Variants in PDE10A observed in about 807,000 individuals in gnomAD.
PDE10A encodes phosphodiesterase 10A.
In PDE10A, 39 loss-of-function variants were observed where a neutral mutation model predicts 97.7. The ratio of observed to expected loss-of-function variants is 0.40; its 90% CI spans 0.31 to 0.52. The LOEUF (loss-of-function observed/expected upper bound fraction) is 0.52, where lower values mean the gene tolerates loss of function less well. Among genes scored for constraint, PDE10A ranks in the 20% least tolerant of loss-of-function variants. The pLI is 0.56. For synonymous variants in PDE10A, 371 were observed against 376.8 expected (o/e 0.98, Z 0.18); for missense variants, 731 against 1,047.8 (o/e 0.70, Z 4.17).
At chr6:165,802,591 C>T (rs907763873) in intron 1 of PDE10A, among the ~76,000 whole-genome samples, 3 of 152,174 alleles carry the variant, frequency 2.0e-5, no homozygotes, top group African/African-American at 7.2e-5. Flanking sequence ...ACCACGGGGG[C>T]CCTCCTGAAG....
At position 165,413,645 on chromosome 6, in the gene PDE10A, C is replaced by T. The variant is rs753597775; in HGVS notation, c.1932G>A (p.Leu644=). The T allele has an allele frequency of 6.8e-6, 11 of 1,614,046 alleles. No individual in the cohort carries two copies. The highest frequency in any genetic ancestry group is 2.2e-5 in the South Asian group (2 of 91,080). ...LYTGYTTRNI[L]CMPIVSRGSV... The stretch of plus-strand genomic sequence containing the variant: ...TGCCTCGGCTGACGATGGGCATGCA[C>T]AGGATGTTCCGCGTGGTGTAGCCTG... The change falls in exon 13 of 22, where the codon CTG becomes CTA. Residue 644 remains leucine, a synonymous_variant. Coordinates refer to ENST00000539869, the MANE Select transcript of PDE10A (RefSeq NM_001385079.1).
At chr6:165,595,955 G>A (rs868821397) in intron 1 of PDE10A, among the ~76,000 whole-genome samples, 3 of 152,246 alleles carry the variant, frequency 2.0e-5, no homozygotes, top group South Asian at 4.2e-4. Context: ...GGCTGGGGAG[G>A]ACAAATATTC....
chr6:165,541,112 T>C (rs1783411290), intron 2 of PDE10A, among the ~76,000 whole-genome samples: 1 of 152,182 alleles, frequency 6.6e-6, no homozygotes, highest in African/African-American at 2.4e-5. Flanking sequence ...GAAGGGGGTC[T>C]TACTAGGCTG....
At chr6:165,429,675 T>C (rs1237680902) in intron 9 of PDE10A, among the ~76,000 whole-genome samples, 1 of 152,080 alleles carries the variant, frequency 6.6e-6, no homozygotes, top group Non-Finnish European at 1.5e-5. Flanking sequence ...GCGCATATTT[T>C]AGATTTCAGT....
intron 18 of PDE10A, among the ~76,000 whole-genome samples, chr6:165,372,504 AG>A (rs1185739225): frequency 7.7e-6 from 1 of 130,522 alleles, no homozygotes; most frequent in Non-Finnish European, 1.6e-5. Flanking sequence ...TAAAATACCT[AG>A]GAATCCAACT....
chr6:165,830,879 A>C (rs935650974), intron 1 of PDE10A, among the ~76,000 whole-genome samples: 2 of 152,168 alleles, frequency 1.3e-5, no homozygotes, highest in Non-Finnish European at 2.9e-5. Context: ...AAGGTGCTGG[A>C]GCTTTAACAT....
intron 1 of PDE10A, among the ~76,000 whole-genome samples, chr6:165,913,636 C>T (rs1460281441): frequency 6.6e-6 from 1 of 152,188 alleles, no homozygotes; most frequent in Admixed American, 6.5e-5. Context: ...TTCGCACACA[C>T]ATCTATGTAT....
intron 1 of PDE10A, among the ~76,000 whole-genome samples, chr6:165,930,855 T>C (rs1257001964): frequency 1.3e-5 from 2 of 152,236 alleles, no homozygotes; most frequent in Non-Finnish European, 2.9e-5. Context: ...AGCTTCACCG[T>C]GGCTCTTCGC....
Position 165,758,486 on chromosome 6 carries a change from GAGAAAGA to G in PDE10A, c.-614-214925_-614-214919del, listed in dbSNP as rs201748235. Among the ~76,000 whole-genome samples, 942 of 138,414 alleles carry G rather than the reference GAGAAAGA, an allele frequency of 6.8e-3. 12 individuals are homozygous for G. Among genetic ancestry groups the G allele is most frequent in the East Asian group, 0.022 (97 of 4,474 alleles). The allele number at this position is 138,414 out of a possible 152,430, so 90.8% of individuals were successfully genotyped here. A position where few individuals can be genotyped will look rare whatever the true frequency, so the allele number is the denominator to read the frequency against. On this transcript the variant is annotated intron_variant, in intron 1 of 19. Transcript: ENST00000366882. ...GAAAAAAGAAGAAGAAAGAAGAAAG[GAGAAAGA>G]AGAAAGAAGAAAGAAGAAAGAAGAA... is the stretch of plus-strand genomic sequence containing the variant.
intron 1 of PDE10A, among the ~76,000 whole-genome samples, chr6:165,720,501 TA>T (rs1200231016): frequency 6.6e-6 from 1 of 152,134 alleles, no homozygotes; most frequent in East Asian, 1.9e-4. Flanking sequence ...CTCCCAAACC[TA>T]AAGAATAAAA....
In PDE10A at chr6:165,942,036, C is replaced by T. The variant is rs148626232; in HGVS notation, c.-615+45493G>A. On this transcript the variant is annotated intron_variant, in intron 1 of 19. Transcript: ENST00000366882. ...ATAGCCATCCTCTCATGATGCCATC[C>T]GGACAGTGATTCCTGGATGTGACTC... Among the ~76,000 whole-genome samples the T allele has an allele frequency of 2.0e-3, 301 of 152,266 alleles. 2 individuals are homozygous for T. Among genetic ancestry groups the T allele is most frequent in the African/African-American group, 6.7e-3 (278 of 41,540 alleles).
intron 1 of PDE10A, among the ~76,000 whole-genome samples, chr6:165,811,686 G>T (rs1779286800): frequency 6.6e-6 from 1 of 152,188 alleles, no homozygotes; most frequent in Admixed American, 6.5e-5. Context: ...CTTAGCTCCT[G>T]CTCCTGAGGC....
chr6:165,615,686 T>A (rs141600259), intron 1 of PDE10A, among the ~76,000 whole-genome samples: 1 of 152,350 alleles, frequency 6.6e-6, no homozygotes, highest in Non-Finnish European at 1.5e-5. Context: ...AGTTATTTGG[T>A]CAGTTTAGAT....
intron 1 of PDE10A, among the ~76,000 whole-genome samples, chr6:165,675,490 C>T (rs1790768520): frequency 6.6e-6 from 1 of 152,026 alleles, no homozygotes; most frequent in South Asian, 2.1e-4. Flanking sequence ...TCATAGAAGA[C>T]TTGTGTTCTA....
intron 3 of PDE10A, among the ~76,000 whole-genome samples, chr6:165,457,087 A>G (rs1002642110): frequency 6.6e-6 from 1 of 152,208 alleles, no homozygotes; most frequent in Admixed American, 6.5e-5. Flanking sequence ...GTCAAATCAC[A>G]TACTTGTAAG....
chr6:165,470,026 C>T (rs1778895657), intron 3 of PDE10A, among the ~76,000 whole-genome samples: 3 of 152,142 alleles, frequency 2.0e-5, no homozygotes, highest in Non-Finnish European at 4.4e-5. Flanking sequence ...TGAGTGAGGG[C>T]ATTGGTGTTT....
At chr6:165,582,539 C>A (rs1296844736) in intron 1 of PDE10A, among the ~76,000 whole-genome samples, 10 of 151,546 alleles carry the variant, frequency 6.6e-5, no homozygotes, top group African/African-American at 2.4e-4. Flanking sequence ...AATGAAAAAA[C>A]CACTGAAATT....
rs1015062339 is a variant in PDE10A, at chr6:165,418,445, C to A, written c.1796+190G>T. On this transcript the variant is annotated intron_variant, in intron 11 of 21. Transcript: ENST00000539869. The surrounding 1 kb of genome is among the most constrained non-coding windows in gnomAD (Gnocchi z 4.8). ...AGGAGTGACGCTAAGGCTTCCTAGG[C>A]GCGGTTTCTCGGGCACTGCCTGCAA... Among the ~76,000 whole-genome samples, 6 of 152,136 alleles carry A rather than the reference C, an allele frequency of 3.9e-5. No individual in the cohort carries two copies. Among genetic ancestry groups the A allele is most frequent in the Non-Finnish European group, 8.8e-5 (6 of 68,026 alleles).
At chr6:165,334,076 G>A (rs1271270382) in intron 21 of PDE10A, among the ~76,000 whole-genome samples, 1 of 152,214 alleles carries the variant, frequency 6.6e-6, no homozygotes. Context: ...TGATATATTG[G>A]AAAAAGCCAT....
Sources: gnomAD v4.1 joint callset for allele counts (sites outside exome capture counted in the v4.1 genomes callset) on GRCh38, gnomAD v4.1.1 for gene constraint, Gnocchi (gnomAD v3.1) non-coding constraint, MANE v1.5 for transcripts, NCBI Gene and HGNC (gene_info 2026-07-23, HGNC 2026-07-21) for gene names.